PSD2: variants seen among roughly 807,000 people sequenced by gnomAD.
PSD2 encodes the protein PH and SEC7 domain-containing protein 2.
In PSD2, 38 loss-of-function variants were observed where a neutral mutation model predicts 69.8. The observed-to-expected ratio is 0.54, with a 90% confidence interval of 0.42 to 0.71. The LOEUF (loss-of-function observed/expected upper bound fraction) is 0.71, where lower values mean the gene tolerates loss of function less well. Among genes scored for constraint, PSD2 ranks in the 30% least tolerant of loss-of-function variants. The pLI is 0.00. For missense variants in PSD2, 943 were observed against 1,014.5 expected (o/e 0.93, Z 0.96); for synonymous variants, 412 against 423.0 (o/e 0.97, Z 0.32).
At chr5:139,798,094 G>T (rs1282460237) in intron 1 of PSD2, among the ~76,000 whole-genome samples, 1 of 152,202 alleles carries the variant, frequency 6.6e-6, no homozygotes, top group Middle Eastern at 3.2e-3. Context: ...TCTGTTTTGA[G>T]CGGCATCTTA....
chr5:139,842,636 G>A lies in PSD2; in HGVS notation c.*162G>A. 4 of 641,180 alleles carry A rather than the reference G, an allele frequency of 6.2e-6. No individual in the cohort carries two copies. The highest frequency in any genetic ancestry group is 5.8e-5 in the South Asian group (3 of 51,780). 39.7% of individuals were successfully genotyped at this position (641,180 alleles called of 1,614,324 possible). On this transcript the variant is annotated 3_prime_UTR_variant, in exon 15 of 15. Transcript: ENST00000274710. ...CCAGGAGATGGAGATGCCGTTTGTG[G>A]CGTTGATCTCCTTGCGTCCTTGGGC...
At position 139,809,760 on chromosome 5, in the gene PSD2, G is replaced by C. The variant is rs74474287; in HGVS notation, c.320G>C (p.Gly107Ala). 731 of 1,614,222 alleles carry C rather than the reference G, an allele frequency of 4.5e-4. 3 individuals carry two copies. The African/African-American group carries it at 4.6e-3, about 10-fold the overall frequency. Residue 107 changes from glycine (G) to alanine (A), a missense_variant, in exon 2 of 15, where the codon GGG becomes GCG. This residue lies in a region of PSD2 where 466 missense variants were observed against 445.0 expected (regional missense o/e 1.05). Transcript: ENST00000274710. Reference protein sequence around the residue: ...RPWRAGVLAEGDNASRSLYPD... With the variant: ...RPWRAGVLAEADNASRSLYPD... ...TGGAGGGCTGGCGTGCTGGCAGAGG[G>C]GGACAATGCTTCCAGGAGCCTCTAC...
chr5:139,831,363 G>A (rs1760595011), intron 7 of PSD2, among the ~76,000 whole-genome samples: 2 of 151,936 alleles, frequency 1.3e-5, no homozygotes, highest in Admixed American at 1.3e-4. Context: ...AATAAAATTT[G>A]GTAATAATGT....
the PSD2 span, among the ~76,000 whole-genome samples, chr5:139,781,562 T>C: frequency 6.6e-6 from 1 of 151,998 alleles, no homozygotes; most frequent in Non-Finnish European, 1.5e-5. Flanking sequence ...GTCTTGATCT[T>C]CTGACCTCGT....
At position 139,837,825 on chromosome 5, in the gene PSD2, G is replaced by A. The variant is rs771432715; in HGVS notation, c.1823+43G>A. On this transcript the variant is annotated intron_variant, in intron 12 of 14. Coordinates refer to ENST00000274710, the MANE Select transcript of PSD2 (RefSeq NM_032289.4). This position sits in a 1 kb window ranked among gnomAD's most constrained non-coding sequence, Gnocchi z 5.0. ...CCCTTCACTCCCACCTGGGGCCCAG[G>A]GCCACAGTGACCCGGCACACAACCC... 3.8e-6 allele frequency: 6 copies of A among 1,572,520 alleles called. No homozygotes were observed. Among genetic ancestry groups the A allele is most frequent in the Admixed American group, 1.8e-5 (1 of 56,914 alleles).
the PSD2 span, among the ~76,000 whole-genome samples, chr5:139,757,021 C>T: frequency 6.6e-6 from 1 of 152,182 alleles, no homozygotes; most frequent in Non-Finnish European, 1.5e-5. Context: ...GAAACAGAGG[C>T]ACAGAGAGGG....
intron 4 of PSD2, among the ~76,000 whole-genome samples, chr5:139,816,012 A>AG (rs1554095259): frequency 1.2e-4 from 18 of 150,040 alleles, no homozygotes; most frequent in African/African-American, 1.7e-4. Flanking sequence ...AAAAAAAAAA[A>AG]AAAAGAAAAT....
At chr5:139,775,012 C>G in the PSD2 span, among the ~76,000 whole-genome samples, 1 of 152,126 alleles carries the variant, frequency 6.6e-6, no homozygotes, top group African/African-American at 2.4e-5. Context: ...TACTGTGCCG[C>G]CGCCCTCCTG....
the PSD2 span, among the ~76,000 whole-genome samples, chr5:139,754,791 C>T: frequency 7.9e-5 from 12 of 152,240 alleles, no homozygotes; most frequent in African/African-American, 2.6e-4. Context: ...GTGGGAGGAT[C>T]ACTTGAACCT....
chr5:139,842,558 C>T lies in PSD2; in HGVS notation c.*84C>T. On this transcript the variant is annotated 3_prime_UTR_variant, in exon 15 of 15. Coordinates refer to ENST00000274710, the MANE Select transcript of PSD2 (RefSeq NM_032289.4). ...CAATTCCAGCCAGGGGCCACTTGGA[C>T]CAAGCTCCAGTCAGTTGATGGGCAG... 1 of 1,272,318 alleles carries T rather than the reference C, an allele frequency of 7.9e-7. No homozygotes were observed. The highest frequency in any genetic ancestry group is 1.8e-5 in the Admixed American group (1 of 57,002). 78.8% of individuals were successfully genotyped at this position (1,272,318 alleles called of 1,614,324 possible).
chr5:139,830,565 C>CCTTCCTTTCTTTCTTTCTTTCTTT (rs1554096354), intron 7 of PSD2, among the ~76,000 whole-genome samples: 1 of 120,416 alleles, frequency 8.3e-6, no homozygotes, highest in African/African-American at 3.7e-5. Flanking sequence ...TTCCTTCCTT[C>CCTTCCTTTCTTTCTTTCTTTCTTT]CTTTCTTTCT....
the PSD2 span, among the ~76,000 whole-genome samples, chr5:139,774,138 G>T: frequency 8.0e-5 from 12 of 149,806 alleles, 1 homozygote; most frequent in East Asian, 9.9e-4. Flanking sequence ...TTTTTTTTTT[G>T]ATGTGCATTG....
chr5:139,779,009 G>A, the PSD2 span, among the ~76,000 whole-genome samples: 1 of 150,084 alleles, frequency 6.7e-6, no homozygotes, highest in African/African-American at 2.4e-5. Context: ...TAAGGCTTTT[G>A]GTGCATGTTG....
upstream of PSD2, among the ~76,000 whole-genome samples, chr5:139,791,609 C>T (rs192766265): frequency 5.0e-4 from 76 of 151,998 alleles, no homozygotes; most frequent in East Asian, 0.013. Flanking sequence ...GAGACCCTCT[C>T]TCAGAAAACA....
intron 7 of PSD2, among the ~76,000 whole-genome samples, chr5:139,823,021 T>C (rs1366885652): frequency 1.3e-5 from 2 of 152,178 alleles, no homozygotes; most frequent in Non-Finnish European, 2.9e-5. Flanking sequence ...GAGTTTAAGA[T>C]GAGCCACAAA....
At chr5:139,756,584 G>T in the PSD2 span, among the ~76,000 whole-genome samples, 7 of 152,298 alleles carry the variant, frequency 4.6e-5, 1 homozygote, top group South Asian at 1.5e-3. Flanking sequence ...GATTCTAGGC[G>T]GAGGGACCAG....
At chr5:139,783,246 T>C in the PSD2 span, among the ~76,000 whole-genome samples, 1 of 151,812 alleles carries the variant, frequency 6.6e-6, no homozygotes, top group Admixed American at 6.6e-5. Context: ...GTCAGCTTGG[T>C]CAACATAGTA....
chr5:139,809,853 G>C (rs765355241), intron 2 of PSD2, 42 bp downstream of exon 2: 7 of 1,603,788 alleles, frequency 4.4e-6, no homozygotes, highest in Non-Finnish European at 5.9e-6. Flanking sequence ...ACATTTGGCT[G>C]TTCTGTTGTT....
At chr5:139,794,292 A>T (rs1250211088), upstream of PSD2, among the ~76,000 whole-genome samples, 1 of 152,186 alleles carries the variant, frequency 6.6e-6, no homozygotes, top group African/African-American at 2.4e-5. Flanking sequence ...AACGGGTTGT[A>T]GGATTGTTTT....
Sources: gnomAD v4.1 joint callset for allele counts (sites outside exome capture counted in the v4.1 genomes callset) on GRCh38, gnomAD v4.1.1 for gene constraint, gnomAD v4.1.1 regional missense constraint, Gnocchi (gnomAD v3.1) non-coding constraint, MANE v1.5 for transcripts, NCBI Gene and HGNC (gene_info 2026-07-23, HGNC 2026-07-21) for gene names.